Variants in TNIK observed in about 807,000 individuals in gnomAD.
TNIK encodes TRAF2 and NCK interacting kinase, also known as TRAF2 and NCK-interacting protein kinase.
In TNIK, 49 loss-of-function variants were observed where a neutral mutation model predicts 191.3. The observed-to-expected ratio is 0.26, with a 90% CI of 0.20 to 0.32. TNIK has a LOEUF of 0.32. Among genes scored for constraint, TNIK ranks in the 10% least tolerant of loss-of-function variants. The pLI, the probability that TNIK is intolerant of heterozygous loss-of-function variation, is 1.00. For missense variants in TNIK, 1,155 were observed against 1,702.3 expected (o/e 0.68, Z 5.66); for synonymous variants, 594 against 600.9 (o/e 0.99, Z 0.17).
chr3:171,112,455 A>T (rs897048760), intron 18 of TNIK, among the ~76,000 whole-genome samples: 2 of 152,070 alleles, frequency 1.3e-5, no homozygotes, highest in African/African-American at 4.8e-5. Flanking sequence ...TCTTACAAAC[A>T]TTTTTTTCTG....
At chr3:171,179,740 G>A (rs989978798) in intron 7 of TNIK, among the ~76,000 whole-genome samples, 3 of 152,126 alleles carry the variant, frequency 2.0e-5, no homozygotes, top group Non-Finnish European at 4.4e-5. Flanking sequence ...ATGAGCCACC[G>A]TGCCCGGCCT....
chr3:171,350,313 G>A (rs1207840427), intron 2 of TNIK, among the ~76,000 whole-genome samples: 1 of 152,078 alleles, frequency 6.6e-6, no homozygotes, highest in Non-Finnish European at 1.5e-5. Flanking sequence ...TAGCCAATCC[G>A]TATTTGTTGA....
At chr3:171,218,317 C>CTT (rs777263949) in intron 3 of TNIK, among the ~76,000 whole-genome samples, 45 of 152,114 alleles carry the variant, frequency 3.0e-4, no homozygotes, top group Non-Finnish European at 2.5e-4. Flanking sequence ...TGACATATGT[C>CTT]TTTCTCATAC....
intron 2 of TNIK, among the ~76,000 whole-genome samples, chr3:171,284,134 G>T (rs1356868593): frequency 6.6e-6 from 1 of 152,024 alleles, no homozygotes; most frequent in Admixed American, 6.5e-5. Context: ...GCGGCAGGGA[G>T]GAGGGCAGGA....
intron 1 of TNIK, among the ~76,000 whole-genome samples, chr3:171,411,011 C>A (rs1354068154): frequency 6.6e-6 from 1 of 151,914 alleles, no homozygotes; most frequent in Non-Finnish European, 1.5e-5. Context: ...GAATGAGCCC[C>A]AGTGGATCAG....
At position 171,408,269 on chromosome 3, in the gene TNIK, C is replaced by T. The variant is rs557687577; in HGVS notation, c.58-38584G>A. ...ACCACATTAGGGCTTTTTTTTCCCC[C>T]GCTCAATCTGGAAAATTTTGCAAAA... On this transcript the variant is annotated intron_variant, in intron 1 of 32. Coordinates refer to ENST00000436636, the MANE Select transcript of TNIK (RefSeq NM_015028.4). Among the ~76,000 whole-genome samples the T allele has an allele frequency of 9.9e-5, 15 of 151,886 alleles. No homozygotes were observed. In the South Asian group the frequency reaches 1.7e-3, roughly 17 times the overall value.
chr3:171,282,273 C>T (rs1750514870), intron 2 of TNIK, among the ~76,000 whole-genome samples: 1 of 151,324 alleles, frequency 6.6e-6, no homozygotes, highest in South Asian at 2.1e-4. Flanking sequence ...TGGTGCACAG[C>T]CAGAAGATTT....
intron 1 of TNIK, among the ~76,000 whole-genome samples, chr3:171,379,710 T>C (rs7648610): frequency 0.28 from 42,770 of 152,066 alleles, 6,242 homozygotes; most frequent in Middle Eastern, 0.31. Flanking sequence ...AAAAAAGTCT[T>C]TTAAGAAGCA....
chr3:171,417,684 C>G (rs1008893047), intron 1 of TNIK, among the ~76,000 whole-genome samples: 3 of 152,174 alleles, frequency 2.0e-5, no homozygotes, highest in Non-Finnish European at 2.9e-5. Context: ...TTGCTGAAAT[C>G]AGATTGCTCA....
intron 18 of TNIK, among the ~76,000 whole-genome samples, chr3:171,115,055 A>C (rs1286130553): frequency 6.6e-6 from 1 of 152,256 alleles, no homozygotes; most frequent in African/African-American, 2.4e-5. Context: ...TGCTCTAAAA[A>C]ATGTACTGCT....
chr3:171,363,638 T>C (rs1209769997), intron 2 of TNIK, among the ~76,000 whole-genome samples: 1 of 151,482 alleles, frequency 6.6e-6, no homozygotes, highest in Non-Finnish European at 1.5e-5. Context: ...GCATCCAGGA[T>C]AATGTTATAG....
chr3:171,205,147 C>T (rs1739898925), intron 4 of TNIK, among the ~76,000 whole-genome samples: 1 of 152,192 alleles, frequency 6.6e-6, no homozygotes, highest in Non-Finnish European at 1.5e-5. Flanking sequence ...TAAGTATGTA[C>T]TGTTATATTC....
intron 2 of TNIK, among the ~76,000 whole-genome samples, chr3:171,287,146 A>C (rs1289037438): frequency 6.6e-6 from 1 of 152,202 alleles, no homozygotes; most frequent in African/African-American, 2.4e-5. Flanking sequence ...TGGGTATTAT[A>C]TGCTGCTGCA....
chr3:171,412,768 G>A (rs904333955), intron 1 of TNIK, among the ~76,000 whole-genome samples: 2 of 152,170 alleles, frequency 1.3e-5, no homozygotes, highest in Admixed American at 6.5e-5. Context: ...TAAACTTTCT[G>A]AGCTTCAGTT....
intron 2 of TNIK, among the ~76,000 whole-genome samples, chr3:171,296,468 T>G (rs534727216): frequency 6.6e-6 from 1 of 152,308 alleles, no homozygotes; most frequent in African/African-American, 2.4e-5. Context: ...GTTACATTGA[T>G]TTTAAGAACA....
chr3:171,173,164 C>T (rs941666306), intron 9 of TNIK, among the ~76,000 whole-genome samples: 2 of 149,300 alleles, frequency 1.3e-5, no homozygotes, highest in African/African-American at 4.9e-5. Flanking sequence ...GCGGGCGGAT[C>T]ATGAGGTCAG....
At chr3:171,361,244 C>A (rs1306544695) in intron 2 of TNIK, among the ~76,000 whole-genome samples, 1 of 152,176 alleles carries the variant, frequency 6.6e-6, no homozygotes, top group Admixed American at 6.5e-5. Context: ...GCCCAATTAT[C>A]TATAGTTTTG....
chr3:171,172,637 T>A (rs1182656258), intron 9 of TNIK, among the ~76,000 whole-genome samples: 3 of 152,204 alleles, frequency 2.0e-5, no homozygotes, highest in Non-Finnish European at 4.4e-5. Flanking sequence ...CACCACCACC[T>A]CTACAAAGGC....
intron 18 of TNIK, among the ~76,000 whole-genome samples, chr3:171,119,622 A>G (rs2108542911): frequency 6.6e-6 from 1 of 152,322 alleles, no homozygotes; most frequent in East Asian, 1.9e-4. Flanking sequence ...GCCATAAAAA[A>G]TGATAAGTTC....
Sources: gnomAD v4.1 joint callset for allele counts (sites outside exome capture counted in the v4.1 genomes callset) on GRCh38, gnomAD v4.1.1 for gene constraint, MANE v1.5 for transcripts, NCBI Gene and HGNC (gene_info 2026-07-23, HGNC 2026-07-21) for gene names.